Variants in RBMS3 observed in about 807,000 individuals in gnomAD.
RBMS3 encodes RNA-binding motif, single-stranded-interacting protein 3.
Under a neutral mutation model 66.8 loss-of-function variants are expected in RBMS3, and 27 were observed. That is an observed-to-expected ratio of 0.40 (90% CI 0.30 to 0.56). The LOEUF is 0.56. RBMS3 is among the 20% of genes least tolerant of loss of function. The pLI is 0.40. For missense variants in RBMS3, 513 were observed against 549.5 expected, an observed-to-expected ratio of 0.93 and a Z score of 0.66; for synonymous variants, 188 against 183.0, an observed-to-expected ratio of 1.03 and a Z score of -0.22.
chr3:29,521,129 A>G (rs1345765038), intron 3 of RBMS3, among the ~76,000 whole-genome samples: 3 of 151,852 alleles, frequency 2.0e-5, no homozygotes, highest in South Asian at 4.2e-4. Context: ...ATCCCACCCC[A>G]TCCTTGATTA....
At chr3:29,999,474 A>T (rs186185739) in intron 14 of RBMS3, among the ~76,000 whole-genome samples, 51 of 152,288 alleles carry the variant, frequency 3.3e-4, no homozygotes, top group African/African-American at 1.1e-3. Flanking sequence ...GTATGTTTAT[A>T]GCGGCACTAT....
chr3:29,416,907 A>G (rs1425587431), intron 1 of RBMS3, among the ~76,000 whole-genome samples: 2 of 152,144 alleles, frequency 1.3e-5, no homozygotes, highest in Admixed American at 1.3e-4. Context: ...TTCTTACCTT[A>G]TAACAAGTTA....
At chr3:29,707,420 A>C (rs2052953224) in intron 4 of RBMS3, among the ~76,000 whole-genome samples, 1 of 152,196 alleles carries the variant, frequency 6.6e-6, no homozygotes, top group South Asian at 2.1e-4. Context: ...AGCTATTTTA[A>C]ATTAAGAGCA....
intron 4 of RBMS3, among the ~76,000 whole-genome samples, chr3:29,627,810 G>T (rs542842781): frequency 6.6e-6 from 1 of 152,236 alleles, no homozygotes; most frequent in South Asian, 2.1e-4. Flanking sequence ...GGAAGAGAGA[G>T]AGGAAGCAAG....
intron 6 of RBMS3, among the ~76,000 whole-genome samples, chr3:29,812,531 G>A (rs1157535517): frequency 6.6e-6 from 1 of 152,184 alleles, no homozygotes; most frequent in Non-Finnish European, 1.5e-5. Flanking sequence ...AGAGGGTCAG[G>A]TAAGAGCTGA....
chr3:29,295,580 T>C (rs1447960702), intron 1 of RBMS3, among the ~76,000 whole-genome samples: 1 of 151,382 alleles, frequency 6.6e-6, no homozygotes, highest in Non-Finnish European at 1.5e-5. Context: ...TTCTATATGC[T>C]CTTGCAAATA....
At chr3:29,768,950 G>C (rs1013756071) in intron 6 of RBMS3, among the ~76,000 whole-genome samples, 2 of 151,896 alleles carry the variant, frequency 1.3e-5, no homozygotes, top group Non-Finnish European at 2.9e-5. Flanking sequence ...CAAGTTGGGG[G>C]TTCTAGAAAT....
chr3:29,633,873 G>A (rs1235699496), intron 4 of RBMS3, among the ~76,000 whole-genome samples: 3 of 151,598 alleles, frequency 2.0e-5, no homozygotes, highest in African/African-American at 7.3e-5. Context: ...TAATAATTAT[G>A]AGTATATAAA....
chr3:29,576,898 G>A (rs2047140993), intron 3 of RBMS3, among the ~76,000 whole-genome samples: 1 of 152,204 alleles, frequency 6.6e-6, no homozygotes, highest in Non-Finnish European at 1.5e-5. Flanking sequence ...CTCTGGCCCA[G>A]GGCAGGTCCA....
chr3:29,796,741 C>G (rs1446258143), intron 6 of RBMS3, among the ~76,000 whole-genome samples: 1 of 82,050 alleles, frequency 1.2e-5, no homozygotes, highest in African/African-American at 6.7e-5. Flanking sequence ...GAGATGGAGT[C>G]TTGCTCTGTC....
rs80233793 is a variant in RBMS3, at chr3:29,297,051, C to T, written c.75+15295C>T. ...GGAAAAGGAATTTAGTAATCAGAAA[C>T]GAAAACAGTGTGGTTAGGTGAAAGG... On this transcript the variant is annotated intron_variant, in intron 1 of 14. Coordinates refer to ENST00000383767, the MANE Select transcript of RBMS3 (RefSeq NM_001003793.3). Among the ~76,000 whole-genome samples the T allele has an allele frequency of 8.2e-4, 125 of 151,530 alleles. 1 individual carries two copies. Among genetic ancestry groups the T allele is most frequent in the African/African-American group, 2.4e-3 (101 of 41,390 alleles).
chr3:29,439,533 A>C lies in RBMS3; in HGVS notation c.248+4618A>C, dbSNP rs115954950. Among the ~76,000 whole-genome samples the C allele has an allele frequency of 6.1e-3, 930 of 152,256 alleles. 8 individuals carry two copies. Among genetic ancestry groups the C allele is most frequent in the African/African-American group, 0.021 (883 of 41,552 alleles). ...GGAACAATTAACCAAATGAACTTCA[A>C]AAGAAACAGCAAAGTAGCACAGAAT... is the stretch of plus-strand genomic sequence containing the variant. On this transcript the variant is annotated intron_variant, in intron 2 of 14. Transcript: ENST00000383767.
chr3:29,587,802 T>C (rs58035138), intron 4 of RBMS3, among the ~76,000 whole-genome samples: 13,333 of 152,062 alleles, frequency 0.088, 628 homozygotes, highest in Admixed American at 0.12. Flanking sequence ...TCTAAGATAC[T>C]TTTAGGTATT....
chr3:29,714,476 G>A (rs1405842839), intron 4 of RBMS3, among the ~76,000 whole-genome samples: 2 of 152,138 alleles, frequency 1.3e-5, no homozygotes, highest in Non-Finnish European at 1.5e-5. Context: ...AGCCACGTAT[G>A]TGAGTCTGGA....
chr3:29,573,468 T>C (rs1360690521), intron 3 of RBMS3, among the ~76,000 whole-genome samples: 1 of 152,178 alleles, frequency 6.6e-6, no homozygotes, highest in Non-Finnish European at 1.5e-5. Flanking sequence ...TCCTTTTTTT[T>C]CTTCATTAGT....
intron 4 of RBMS3, among the ~76,000 whole-genome samples, chr3:29,628,864 A>C (rs2049170419): frequency 6.6e-6 from 1 of 152,170 alleles, no homozygotes; most frequent in Admixed American, 6.6e-5. Context: ...TTTCACAATT[A>C]GAATCTAATT....
At chr3:29,530,119 C>G (rs1222496156) in intron 3 of RBMS3, among the ~76,000 whole-genome samples, 1 of 152,118 alleles carries the variant, frequency 6.6e-6, no homozygotes, top group Non-Finnish European at 1.5e-5. Flanking sequence ...CCTCAAAAGC[C>G]TTTTTTACCC....
chr3:29,717,211 A>C (rs555791294), intron 4 of RBMS3, among the ~76,000 whole-genome samples: 1 of 152,100 alleles, frequency 6.6e-6, no homozygotes, highest in East Asian at 1.9e-4. Context: ...AAGGTAATGC[A>C]ACGCACAGTG....
intron 2 of RBMS3, among the ~76,000 whole-genome samples, chr3:29,471,383 A>C (rs2042720000): frequency 6.6e-6 from 1 of 152,184 alleles, no homozygotes; most frequent in South Asian, 2.1e-4. Flanking sequence ...AGAAGCAATT[A>C]TGTTCCTGTG....
Sources: allele counts gnomAD v4.1 joint callset (sites outside exome capture counted in the v4.1 genomes callset), GRCh38; gene constraint gnomAD v4.1.1; transcripts MANE v1.5; gene names NCBI Gene and HGNC (gene_info 2026-07-23, HGNC 2026-07-21).